UTP20: variants seen among roughly 807,000 people sequenced by gnomAD.
The protein encoded by UTP20 is UTP20 small subunit processome component.
UTP20 carries 164 observed loss-of-function variants against 329.5 expected under a neutral mutation model. The observed-to-expected ratio is 0.50, with a 90% CI of 0.44 to 0.57. The LOEUF is 0.57. Among genes scored for constraint, UTP20 ranks in the 20% least tolerant of loss-of-function variants. UTP20 has a pLI of 0.00. For missense variants in UTP20, 3,055 were observed against 3,284.2 expected, an observed-to-expected ratio of 0.93 and a Z score of 1.71; for synonymous variants, 1,151 against 1,159.3, an observed-to-expected ratio of 0.99 and a Z score of 0.14.
At chr12:101,368,089 G>T (rs1457564) in intron 48 of UTP20, 113 bp downstream of exon 48, 383,067 of 718,610 alleles carry the variant, frequency 0.53, 111,155 homozygotes, top group East Asian at 0.95. Context: ...TGATTGAGGT[G>T]TTTTTGTTTG....
chr12:101,341,935 C>T (rs552069277), intron 32 of UTP20, among the ~76,000 whole-genome samples: 263 of 152,040 alleles, frequency 1.7e-3, no homozygotes, highest in African/African-American at 5.8e-3. Flanking sequence ...AAAAATAATA[C>T]AAATTTTAAA....
intron 60 of UTP20, among the ~76,000 whole-genome samples, chr12:101,385,283 G>A (rs1487389529): frequency 6.6e-6 from 1 of 152,108 alleles, no homozygotes; most frequent in African/African-American, 2.4e-5. Flanking sequence ...TTTCCGCTGG[G>A]AAGTGGGCCT....
At chr12:101,318,469 A>G (rs1466670449) in intron 22 of UTP20, among the ~76,000 whole-genome samples, 1 of 152,190 alleles carries the variant, frequency 6.6e-6, no homozygotes, top group Admixed American at 6.5e-5. Flanking sequence ...GCAATGCAGG[A>G]GTCATAGTCA....
intron 14 of UTP20, among the ~76,000 whole-genome samples, chr12:101,301,771 T>G (rs1872527370): frequency 1.3e-5 from 2 of 152,280 alleles, no homozygotes; most frequent in South Asian, 4.1e-4. Flanking sequence ...ATCAACAAGT[T>G]TTATACCAAG....
In UTP20 at chr12:101,354,945, AC is replaced by A; in HGVS notation, c.5225del (p.Pro1742LeufsTer31). 1 of 1,614,132 alleles carries A rather than the reference AC, an allele frequency of 6.2e-7. No individual in the cohort carries two copies. Among genetic ancestry groups the A allele is most frequent in the East Asian group, 2.2e-5 (1 of 44,882 alleles). On this transcript the variant is annotated frameshift_variant, in exon 41 of 62. Coordinates refer to ENST00000261637, the MANE Select transcript of UTP20 (RefSeq NM_014503.3). LOFTEE classifies it high-confidence loss of function. ...TTTGTCAGACAACGGACAACCGGGA[AC>A]CCCTGATCCAGCTGACTCTGGAGGA... ...KSLSDNGQPG[T>X]PDPADSGGTS...
intron 47 of UTP20, 45 bp from the exon 48 acceptor site, chr12:101,367,815 G>C (rs373799229): frequency 8.1e-7 from 1 of 1,230,496 alleles, no homozygotes; most frequent in Non-Finnish European, 1.2e-6. Flanking sequence ...AACTCATCTG[G>C]TCTAATGGGC....
chr12:101,376,464 G>A (rs532636376), intron 56 of UTP20, among the ~76,000 whole-genome samples: 307 of 152,168 alleles, frequency 2.0e-3, no homozygotes, highest in Middle Eastern at 3.4e-3. Flanking sequence ...AGACTATATG[G>A]TCCAGCCTGT....
Position 101,290,828 on chromosome 12 carries a change from C to A in UTP20, c.831C>A (p.Val277=), listed in dbSNP as rs1403401706. ...TTGGAGAAACACTCAAAAACATGGT[C>A]AAATCCACTGTATCCTACATCTCCA... ...MLIGETLKNM[V]KSTVSYISKE... The change falls in exon 8 of 62, where the codon GTC becomes GTA. Residue 277 remains valine, a synonymous_variant. Transcript: ENST00000261637. The A allele has an allele frequency of 6.2e-7, 1 of 1,613,994 alleles. No homozygotes were observed. Among genetic ancestry groups the A allele is most frequent in the Non-Finnish European group, 8.5e-7 (1 of 1,179,948 alleles).
intron 27 of UTP20, among the ~76,000 whole-genome samples, chr12:101,329,985 ACT>A (rs1179950997): frequency 1.3e-5 from 2 of 150,836 alleles, no homozygotes; most frequent in Non-Finnish European, 1.5e-5. Flanking sequence ...ACAGAGTGAG[ACT>A]CTGCCTCTTA....
At position 101,342,558 on chromosome 12, in the gene UTP20, T is replaced by C. The variant is rs1248025038; in HGVS notation, c.4214T>C (p.Leu1405Ser). ...AKLFSVIKNK[L>S]SRKLLCTVFE... The stretch of plus-strand genomic sequence containing the variant: ...CTTTTCTCAGTTATTAAGAACAAAT[T>C]GTCAAGAAAATTGCTTTGTACGGTT... The change falls in exon 33 of 62, where the codon TTG becomes TCG. Residue 1405 changes from leucine (L) to serine (S), a missense_variant. Coordinates refer to ENST00000261637, the MANE Select transcript of UTP20 (RefSeq NM_014503.3). The C allele has an allele frequency of 6.2e-7, 1 of 1,613,392 alleles. No homozygotes were observed. Among genetic ancestry groups the C allele is most frequent in the Non-Finnish European group, 8.5e-7 (1 of 1,179,792 alleles).
At chr12:101,374,503 A>G (rs1242879218) in intron 54 of UTP20, among the ~76,000 whole-genome samples, 1 of 152,130 alleles carries the variant, frequency 6.6e-6, no homozygotes, top group African/African-American at 2.4e-5. Flanking sequence ...TTGCATACCC[A>G]CTTAATGTGG....
At chr12:101,347,288 C>T (rs1244121728) in intron 38 of UTP20, among the ~76,000 whole-genome samples, 3 of 152,008 alleles carry the variant, frequency 2.0e-5, no homozygotes, top group Non-Finnish European at 2.9e-5. Flanking sequence ...TTTAGGAGGC[C>T]GAGGCAGGTG....
intron 59 of UTP20, 76 bp from the exon 60 acceptor site, chr12:101,383,467 T>G: frequency 6.5e-7 from 1 of 1,547,340 alleles, no homozygotes; most frequent in Non-Finnish European, 8.7e-7. Flanking sequence ...AGCCCTGTTT[T>G]CTCAATTAAT....
intron 25 of UTP20, among the ~76,000 whole-genome samples, chr12:101,324,602 A>C (rs1446473586): frequency 6.6e-6 from 1 of 152,130 alleles, no homozygotes; most frequent in Non-Finnish European, 1.5e-5. Flanking sequence ...CTAAATATCC[A>C]TGTATAATTG....
intron 60 of UTP20, among the ~76,000 whole-genome samples, 172 bp downstream of exon 60, chr12:101,383,841 T>TACACAC (rs375117313): frequency 2.5e-5 from 3 of 121,114 alleles, no homozygotes; most frequent in African/African-American, 8.3e-5. Context: ...TTTATATATA[T>TACACAC]ACACACACAC....
intron 14 of UTP20, among the ~76,000 whole-genome samples, chr12:101,301,099 C>T (rs973854793): frequency 1.6e-4 from 25 of 152,076 alleles, no homozygotes; most frequent in Admixed American, 2.6e-4. Flanking sequence ...ACATTTTTAG[C>T]TTGCAGTCCA....
intron 4 of UTP20, 48 bp from the exon 5 acceptor site, chr12:101,286,273 G>A (rs202194336): frequency 1.3e-6 from 2 of 1,490,594 alleles, no homozygotes; most frequent in East Asian, 4.6e-5. Flanking sequence ...TAGATTTGTA[G>A]CCTTTTAAAA....
rs1872818216 is a variant in UTP20 at position 101,312,269 on chromosome 12, T to C, written c.2545T>C (p.Phe849Leu). 6.2e-7 allele frequency: 1 copy of C among 1,613,926 alleles called. No individual in the cohort carries two copies. Among genetic ancestry groups the C allele is most frequent in the African/African-American group, 1.3e-5 (1 of 75,016 alleles). The change falls in exon 21 of 62, where the codon TTT becomes CTT. Residue 849 changes from phenylalanine (F) to leucine (L), a missense_variant. Around this residue, in one of 3 missense-constraint regions of UTP20, gnomAD observed 2,445 missense variants for 2,575.5 expected, o/e 0.95. Coordinates refer to ENST00000261637, the MANE Select transcript of UTP20 (RefSeq NM_014503.3). ...SRELSPLFLR[F>L]INNEYYPADL... ...GGAGCTTTCCCCGCTTTTCTTGAGA[T>C]TTATCAAGTAAGTTTCCTCTTCTAA...
chr12:101,383,784 T>TTA (rs1870735808), intron 60 of UTP20, 115 bp downstream of exon 60: 4 of 520,520 alleles, frequency 7.7e-6, no homozygotes, highest in East Asian at 1.5e-4. Context: ...TTATTTTTAT[T>TTA]TATATATATA....
Sources: allele counts gnomAD v4.1 joint callset (sites outside exome capture counted in the v4.1 genomes callset), GRCh38; gene constraint gnomAD v4.1.1; regional missense constraint gnomAD v4.1.1; transcripts MANE v1.5; gene names NCBI Gene and HGNC (gene_info 2026-07-23, HGNC 2026-07-21).